Variants in SQSTM1 observed in about 807,000 individuals in gnomAD.
SQSTM1 encodes sequestosome-1.
Under a neutral mutation model 45.1 loss-of-function variants are expected in SQSTM1, and 36 were observed. The observed-to-expected ratio is 0.80, with a 90% CI of 0.61 to 1.05. The LOEUF (loss-of-function observed/expected upper bound fraction) is 1.05, where lower values mean the gene tolerates loss of function less well. Among genes scored for constraint, SQSTM1 ranks in the 50% least tolerant of loss-of-function variants. The pLI is 0.00. For missense variants in SQSTM1, 617 were observed against 607.1 expected (o/e 1.02, Z -0.17); for synonymous variants, 290 against 244.3 (o/e 1.19, Z -1.74).
chr5:179,810,974 C>T (rs1273387769), intron 1 of SQSTM1, among the ~76,000 whole-genome samples: 2 of 152,096 alleles, frequency 1.3e-5, no homozygotes, highest in African/African-American at 4.8e-5. Context: ...CCAAGTGAGA[C>T]AGCCAAGTCT....
Position 179,836,844 on chromosome 5 carries a change from A to G in SQSTM1, c.*251A>G. The G allele has an allele frequency of 1.5e-6, 1 of 646,866 alleles. No individual in the cohort carries two copies. The highest frequency in any genetic ancestry group is 1.8e-5 in the South Asian group (1 of 54,420). 40.1% of individuals were successfully genotyped at this position (646,866 alleles called of 1,614,324 possible). A position where few individuals can be genotyped will look rare whatever the true frequency, so the allele number is the denominator to read the frequency against. ...GCTGGGCCTGCGAGACCCAAGGCTC[A>G]CTGCAGCGCGCTCCTGACCCCTCCC... On this transcript the variant is annotated 3_prime_UTR_variant, in exon 8 of 8. Transcript: ENST00000389805.
chr5:179,828,512 T>A (rs1014670131), intron 5 of SQSTM1, among the ~76,000 whole-genome samples: 1 of 152,012 alleles, frequency 6.6e-6, no homozygotes, highest in Non-Finnish European at 1.5e-5. Flanking sequence ...GTAGCTGGGA[T>A]TACAGGCATG....
In SQSTM1 at chr5:179,837,367, G is replaced by A. The variant is rs768839085; in HGVS notation, c.*774G>A. 28 of 1,581,358 alleles carry A rather than the reference G, an allele frequency of 1.8e-5. No individual in the cohort carries two copies. The Admixed American group carries it at 1.8e-4, about 10-fold the overall frequency. ...CTGTCCCTCCTAACAAGTGTATCTCGATTAATAACCTGCCAGTCCCAGATC... is the reference window on the plus strand; with the variant it reads ...CTGTCCCTCCTAACAAGTGTATCTCAATTAATAACCTGCCAGTCCCAGATC... On this transcript the variant is annotated 3_prime_UTR_variant, in exon 8 of 8. Coordinates refer to ENST00000389805, the MANE Select transcript of SQSTM1 (RefSeq NM_003900.5).
chr5:179,824,175 C>A lies in SQSTM1; in HGVS notation c.532-7C>A, dbSNP rs770329828. 4 of 1,613,792 alleles carry A rather than the reference C, an allele frequency of 2.5e-6. No individual in the cohort carries two copies. The highest frequency in any genetic ancestry group is 3.3e-5 in the Admixed American group (2 of 60,032). On this transcript the variant is annotated splice_polypyrimidine_tract_variant and splice_region_variant and intron_variant, in intron 3 of 7. Transcript: ENST00000389805. ...ACTGCCTGCCGCTCTGCTAATTCCT[C>A]CCCCAGGGCTTCTCGCACAGCCGCT...
chr5:179,830,584 A>G (rs1436248983), intron 5 of SQSTM1, among the ~76,000 whole-genome samples: 1 of 149,830 alleles, frequency 6.7e-6, no homozygotes, highest in African/African-American at 2.5e-5. Context: ...CCCCCGAGTC[A>G]GAGTCTCGCT....
Position 179,833,764 on chromosome 5 carries a change from T to C in SQSTM1, c.1147T>C (p.Tyr383His), listed in dbSNP as rs1296549814. The C allele has an allele frequency of 2.5e-6, 4 of 1,614,102 alleles. No homozygotes were observed. Among genetic ancestry groups the C allele is most frequent in the Non-Finnish European group, 3.4e-6 (4 of 1,180,028 alleles). Residue 383 changes from tyrosine to histidine, a missense_variant, in exon 7 of 8, where the codon TAC becomes CAC. Transcript: ENST00000389805. ...CACAGGGCTGAAGGAAGCTGCCTTG[T>C]ACCCACATCTCCCGCCAGGCAAGTG... is the stretch of plus-strand genomic sequence containing the variant. Reference protein sequence around the residue: ...GPTGLKEAALYPHLPPEADPR... With the variant: ...GPTGLKEAALHPHLPPEADPR...
rs766911366 is a variant in SQSTM1 at position 179,837,235 on chromosome 5, G to A, written c.*642G>A. The A allele has an allele frequency of 1.3e-6, 2 of 1,597,860 alleles. No individual in the cohort carries two copies. Among genetic ancestry groups the A allele is most frequent in the Admixed American group, 3.4e-5 (2 of 58,936 alleles). ...AAATTTGTAAACAATCTAATTAAAT[G>A]GCATCAGCACTTTAACCAATGACGT... On this transcript the variant is annotated 3_prime_UTR_variant, in exon 8 of 8. Transcript: ENST00000389805.
rs1222368012 is a variant in SQSTM1, at chr5:179,823,150, G to C, written c.301+97G>C. 80 of 1,158,714 alleles carry C rather than the reference G, an allele frequency of 6.9e-5. 1 individual carries two copies. The highest frequency in any genetic ancestry group is 7.6e-6 in the Non-Finnish European group (6 of 789,384). The allele number at this position is 1,158,714 out of a possible 1,614,324, so 71.8% of individuals were successfully genotyped here. A position where few individuals can be genotyped will look rare whatever the true frequency, so the allele number is the denominator to read the frequency against. Reference sequence around the variant, plus strand: ...GGGCTCGATGTTCCACCAATGAAGGGGTCAGCAATTTGAGGGCTGTTTAAG... The same window carrying C: ...GGGCTCGATGTTCCACCAATGAAGGCGTCAGCAATTTGAGGGCTGTTTAAG... On this transcript the variant is annotated intron_variant, in intron 2 of 7. Coordinates refer to ENST00000389805, the MANE Select transcript of SQSTM1 (RefSeq NM_003900.5).
chr5:179,822,319 G>C (rs906108694), intron 1 of SQSTM1, among the ~76,000 whole-genome samples: 7 of 152,070 alleles, frequency 4.6e-5, no homozygotes, highest in Non-Finnish European at 8.8e-5. Flanking sequence ...TTGTTTACCT[G>C]TTCATTAGTT....
chr5:179,828,369 CTT>C (rs57483633), intron 5 of SQSTM1, among the ~76,000 whole-genome samples: 1 of 98,298 alleles, frequency 1.0e-5, no homozygotes, highest in African/African-American at 4.0e-5. Context: ...TTTTTCTTAT[CTT>C]TTTTTTTTTT....
chr5:179,814,310 G>T (rs1757516853), upstream of SQSTM1, among the ~76,000 whole-genome samples: 1 of 152,208 alleles, frequency 6.6e-6, no homozygotes, highest in Admixed American at 6.5e-5. Context: ...GTTAGGAGAA[G>T]TAGATAGATT....
Position 179,821,137 on chromosome 5 carries a change from C to T in SQSTM1, c.201C>T (p.Tyr67=). The change falls in exon 1 of 8, where the codon TAC becomes TAT. Residue 67 remains tyrosine (Y), a synonymous_variant. Transcript: ENST00000389805. ...GGCCTGGCGGCTTCCAGGCGCACTA[C>T]CGCGGTGAGCGGGCCGGGGAGCGGC... ...ALRPGGFQAH[Y]RDEDGDLVAF... is the part of the protein sequence containing the mutation. The T allele has an allele frequency of 7.4e-7, 1 of 1,350,000 alleles. No homozygotes were observed. The highest frequency in any genetic ancestry group is 9.5e-7 in the Non-Finnish European group (1 of 1,057,008). The allele number at this position is 1,350,000 out of a possible 1,614,324, so 83.6% of individuals were successfully genotyped here. A position where few individuals can be genotyped will look rare whatever the true frequency, so the allele number is the denominator to read the frequency against.
chr5:179,813,708 A>G (rs1188436688), intron 2 of SQSTM1: 1 of 152,102 alleles, frequency 6.6e-6, no homozygotes, highest in Non-Finnish European at 1.5e-5. Flanking sequence ...AGTGAGCTCT[A>G]ATTGCCACTG....
In SQSTM1 at chr5:179,833,693, C is replaced by T; in HGVS notation, c.1076C>T (p.Pro359Leu). 1.2e-6 allele frequency: 2 copies of T among 1,614,148 alleles called. No individual in the cohort carries two copies. Among genetic ancestry groups the T allele is most frequent in the Non-Finnish European group, 1.7e-6 (2 of 1,180,018 alleles). ...STGELQSLQM[P>L]ESEGPSSLDP... Reference sequence around the variant, plus strand: ...GGTGAACTCCAGTCCCTACAGATGCCAGAATCCGAAGGGCCAAGCTCTCTG... The same window carrying T: ...GGTGAACTCCAGTCCCTACAGATGCTAGAATCCGAAGGGCCAAGCTCTCTG... Residue 359 changes from proline (P) to leucine (L), a missense_variant, in exon 7 of 8, where the codon CCA becomes CTA. Pro to Leu is a moderately conservative substitution (Grantham distance 98). Coordinates refer to ENST00000389805, the MANE Select transcript of SQSTM1 (RefSeq NM_003900.5).
rs1561606858 is a variant in SQSTM1 at position 179,834,246 on chromosome 5, GGGGGT to G, written c.1165+469_1165+473del. On this transcript the variant is annotated intron_variant, in intron 7 of 7. Transcript: ENST00000389805. ...TGTGGCAGGCAGCAGTGGGGGGGTGGGGGGTGGGGACAGCTGACAGAAACTCCTCA... is the reference window on the plus strand; with the variant it reads ...TGTGGCAGGCAGCAGTGGGGGGGTGGGGGGACAGCTGACAGAAACTCCTCA... 1.3e-3 allele frequency among the ~76,000 whole-genome samples: 145 copies of G among 109,528 alleles called. 4 individuals carry two copies. The highest frequency in any genetic ancestry group is 0.011 in the Admixed American group (120 of 11,254). The allele number at this position is 109,528 out of a possible 152,430, so 71.9% of individuals were successfully genotyped here.
In SQSTM1 at chr5:179,833,095, CAG is replaced by C. The variant is rs1273214757; in HGVS notation, c.823_824del (p.Ser275PhefsTer17). 7 of 1,614,214 alleles carry C rather than the reference CAG, an allele frequency of 4.3e-6. No individual in the cohort carries two copies. The highest frequency in any genetic ancestry group is 2.2e-5 in the East Asian group (1 of 44,876). ...AGAAGCCGCCTGACCCCCGTCTCTC[CAG>C]AGAGTTCCAGCACAGAGGAGAAGAG... On this transcript the variant is annotated frameshift_variant, in exon 6 of 8. Coordinates refer to ENST00000389805, the MANE Select transcript of SQSTM1 (RefSeq NM_003900.5). LOFTEE classifies it high-confidence loss of function.
rs1758672248 is a variant in SQSTM1 at position 179,837,799 on chromosome 5, C to T, written c.*1206C>T. The T allele has an allele frequency of 6.2e-7, 1 of 1,614,052 alleles. No individual in the cohort carries two copies. The highest frequency in any genetic ancestry group is 2.2e-5 in the East Asian group (1 of 44,882). On this transcript the variant is annotated 3_prime_UTR_variant, in exon 8 of 8. Transcript: ENST00000389805. ...TCCATAGCTCCTTCCCAGGACCCCT[C>T]AGCTCCCCGGCACTGCAGTCTGCAG...
intron 5 of SQSTM1, among the ~76,000 whole-genome samples, chr5:179,831,307 T>C (rs1448501046): frequency 6.6e-6 from 1 of 152,166 alleles, no homozygotes; most frequent in East Asian, 1.9e-4. Flanking sequence ...TCTGATCCAC[T>C]TCACCCTTGT....
intron 5 of SQSTM1, 58 bp downstream of exon 5, chr5:179,825,284 T>C (rs1757946740): frequency 7.2e-7 from 1 of 1,388,040 alleles, no homozygotes; most frequent in East Asian, 2.3e-5. Context: ...TATGTAACTT[T>C]CACCTGGAAT....
Sources: gnomAD v4.1 joint callset for allele counts (sites outside exome capture counted in the v4.1 genomes callset) on GRCh38, gnomAD v4.1.1 for gene constraint, MANE v1.5 for transcripts, NCBI Gene and HGNC (gene_info 2026-07-23, HGNC 2026-07-21) for gene names.